TMEM52B: variants seen among roughly 807,000 people sequenced by gnomAD.
The protein encoded by TMEM52B is chromosome 12 open reading frame 59.
In TMEM52B, 11 loss-of-function variants were observed where a neutral mutation model predicts 16.1. The observed-to-expected ratio is 0.68, with a 90% CI of 0.43 to 1.13. TMEM52B has a LOEUF of 1.13. TMEM52B is among the 50% of genes most tolerant of loss of function. The probability of loss-of-function intolerance (pLI) is 0.00; values close to 1 mark genes in which losing one functional copy is unlikely to be tolerated. For synonymous variants in TMEM52B, 101 were observed against 93.8 expected (o/e 1.08, Z -0.45); for missense variants, 243 against 230.4 (o/e 1.05, Z -0.35).
intron 2 of TMEM52B, among the ~76,000 whole-genome samples, chr12:10,183,208 G>A (rs905715471): frequency 1.2e-4 from 18 of 152,170 alleles, no homozygotes; most frequent in African/African-American, 4.3e-4. Flanking sequence ...TGTTTAGGAT[G>A]AAGAAAAATA....
chr12:10,190,241 C>G lies in TMEM52B; in HGVS notation c.*101C>G. ...ACCCTCAGAAGTTTTAAGATGGCAT[C>G]TAACACCATCATTCTATGGGAAAGA... On this transcript the variant is annotated 3_prime_UTR_variant, in exon 5 of 5. Transcript: ENST00000543484. The G allele has an allele frequency of 7.0e-7, 1 of 1,423,314 alleles. No homozygotes were observed. Among genetic ancestry groups the G allele is most frequent in the East Asian group, 2.3e-5 (1 of 43,802 alleles). 88.2% of individuals were successfully genotyped at this position (1,423,314 alleles called of 1,614,324 possible). A position where few individuals can be genotyped will look rare whatever the true frequency, so the allele number is the denominator to read the frequency against.
At chr12:10,187,099 G>GTTTTTTTTTTTTTTTTT (rs71049057) in intron 4 of TMEM52B, among the ~76,000 whole-genome samples, 1 of 82,180 alleles carries the variant, frequency 1.2e-5, no homozygotes, top group African/African-American at 4.9e-5. Flanking sequence ...TTCCATGACG[G>GTTTTTTTTTTTTTTTTT]TTTTTTTTTT....
intron 1 of TMEM52B, among the ~76,000 whole-genome samples, chr12:10,179,864 G>A (rs148802303): frequency 2.0e-5 from 3 of 152,296 alleles, no homozygotes; most frequent in East Asian, 3.9e-4. Flanking sequence ...GCATGGAAAC[G>A]AGCAGGATTG....
intron 1 of TMEM52B, chr12:10,182,270 A>C (rs1237692886): frequency 1.0e-6 from 1 of 985,206 alleles, no homozygotes; most frequent in Non-Finnish European, 1.2e-6. Flanking sequence ...TACTACAAAC[A>C]AATTAATGTA....
chr12:10,182,239 A>G (rs1471776531), intron 1 of TMEM52B: 8 of 985,164 alleles, frequency 8.1e-6, no homozygotes, highest in Non-Finnish European at 9.6e-6. Flanking sequence ...ATCCCAAGGG[A>G]CAGAGAGATC....
chr12:10,177,467 T>G (rs1159576679), upstream of TMEM52B, among the ~76,000 whole-genome samples: 1 of 152,052 alleles, frequency 6.6e-6, no homozygotes, highest in African/African-American at 2.4e-5. Context: ...CCACAATCAC[T>G]CAGCATAATT....
chr12:10,187,767 C>A (rs938983235), intron 4 of TMEM52B, among the ~76,000 whole-genome samples: 3 of 152,002 alleles, frequency 2.0e-5, no homozygotes, highest in African/African-American at 7.3e-5. Flanking sequence ...AAGTACCAGT[C>A]AGAACACCAG....
At chr12:10,170,961 C>G (rs948664040) in intron 1 of TMEM52B, 1 of 152,034 alleles carries the variant, frequency 6.6e-6, no homozygotes, top group Non-Finnish European at 1.5e-5. Flanking sequence ...TAAACCAATC[C>G]GATTCTTTGC....
Position 10,190,569 on chromosome 12 carries a change from G to T in TMEM52B, c.*429G>T. 5.1e-6 allele frequency: 1 copy of T among 194,966 alleles called. No homozygotes were observed. Among genetic ancestry groups the T allele is most frequent in the Non-Finnish European group, 1.1e-5 (1 of 91,724 alleles). The allele number at this position is 194,966 out of a possible 1,614,324, so 12.1% of individuals were successfully genotyped here. A position where few individuals can be genotyped will look rare whatever the true frequency, so the allele number is the denominator to read the frequency against. On this transcript the variant is annotated 3_prime_UTR_variant, in exon 5 of 5. Transcript: ENST00000543484. ...ATCGACATTAATGCACTGAATGCAT[G>T]CATCTTTCCTCCTGAGACAGCAATC...
Position 10,190,201 on chromosome 12 carries a change from A to G in TMEM52B, c.*61A>G. ...TGTCCAGAGTCTGTGGGAAAATGGA[A>G]CACATACTTTTCTAACCCTCAGAAG... On this transcript the variant is annotated 3_prime_UTR_variant, in exon 5 of 5. Coordinates refer to ENST00000543484, the MANE Select transcript of TMEM52B (RefSeq NM_001384896.1). 6.3e-7 allele frequency: 1 copy of G among 1,598,094 alleles called. No individual in the cohort carries two copies. Among genetic ancestry groups the G allele is most frequent in the Non-Finnish European group, 8.5e-7 (1 of 1,171,272 alleles).
chr12:10,171,927 C>T, intron 1 of TMEM52B: 3 of 1,104,898 alleles, frequency 2.7e-6, no homozygotes, highest in Non-Finnish European at 4.1e-6. Context: ...TTTCTAATCC[C>T]ATTCTTCGGT....
intron 1 of TMEM52B, among the ~76,000 whole-genome samples, chr12:10,173,839 G>A (rs964912061): frequency 2.0e-5 from 3 of 151,110 alleles, no homozygotes; most frequent in Admixed American, 2.0e-4. Context: ...CATTTCTACA[G>A]TGACTCAGTT....
At position 10,190,120 on chromosome 12, in the gene TMEM52B, A is replaced by G. The variant is rs1198559624; in HGVS notation, c.532A>G (p.Ile178Val). 1.9e-6 allele frequency: 3 copies of G among 1,614,186 alleles called. No individual in the cohort carries two copies. The Admixed American group carries it at 5.0e-5, about 27-fold the overall frequency. The change falls in exon 5 of 5, where the codon ATA becomes GTA. Residue 178 changes from isoleucine (I) to valine (V), a missense_variant. Coordinates refer to ENST00000543484, the MANE Select transcript of TMEM52B (RefSeq NM_001384896.1). ...TCCAACAGAGAAGGAGTCGACTCGA[A>G]TAGTTGACTCTTGGAACTGATGAGA... ...LPPTEKESTR[I>V]VDSWN is the part of the protein sequence containing the mutation.
chr12:10,178,879 G>T (rs1463523106), upstream of TMEM52B: 1 of 152,164 alleles, frequency 6.6e-6, no homozygotes, highest in African/African-American at 2.4e-5. Context: ...AAGATGAGAT[G>T]GCTTTCCTGT....
upstream of TMEM52B, among the ~76,000 whole-genome samples, chr12:10,178,802 T>C (rs753440189): frequency 6.6e-6 from 1 of 152,208 alleles, no homozygotes; most frequent in Non-Finnish European, 1.5e-5. Context: ...GAGGAAGATG[T>C]CACTGATAAC....
chr12:10,183,596 A>G (rs899991528), intron 2 of TMEM52B, among the ~76,000 whole-genome samples: 10 of 152,238 alleles, frequency 6.6e-5, no homozygotes, highest in Non-Finnish European at 1.5e-4. Context: ...AGATACACAA[A>G]TATTTTGCCT....
chr12:10,175,172 A>G (rs775755138), upstream of TMEM52B: 1 of 152,146 alleles, frequency 6.6e-6, no homozygotes, highest in Non-Finnish European at 1.5e-5. Context: ...GGAGTGTAGC[A>G]GAGGTGCTGG....
intron 4 of TMEM52B, among the ~76,000 whole-genome samples, chr12:10,189,201 TAAAA>T (rs34922857): frequency 2.1e-5 from 2 of 97,258 alleles, no homozygotes; most frequent in Admixed American, 1.2e-4. Context: ...AGACACTGTC[TAAAA>T]AAAAAAAAAA....
rs1948798264 is a variant in TMEM52B at position 10,179,582 on chromosome 12, T to C, written c.8T>C (p.Val3Ala). MG[V>A]RVHVVAASAL... ...AAGCAGGAATTCAGCCCGATGGGAGTCCGAGTTCATGTCGTGGCGGCCTCA... is the reference window on the plus strand; with the variant it reads ...AAGCAGGAATTCAGCCCGATGGGAGCCCGAGTTCATGTCGTGGCGGCCTCA... Residue 3 changes from valine to alanine, a missense_variant, in exon 1 of 5, where the codon GTC (valine) becomes GCC (alanine). Physicochemically the swap from Val to Ala is moderately conservative, Grantham distance 64 (BLOSUM62 0). Coordinates refer to ENST00000543484, the MANE Select transcript of TMEM52B (RefSeq NM_001384896.1). The C allele has an allele frequency of 6.2e-7, 1 of 1,613,954 alleles. No homozygotes were observed. Among genetic ancestry groups the C allele is most frequent in the Non-Finnish European group, 8.5e-7 (1 of 1,179,986 alleles).
Sources: gnomAD v4.1 joint callset for allele counts (sites outside exome capture counted in the v4.1 genomes callset) on GRCh38, gnomAD v4.1.1 for gene constraint, MANE v1.5 for transcripts, NCBI Gene and HGNC (gene_info 2026-07-23, HGNC 2026-07-21) for gene names.